Variants in BTBD9 observed in about 807,000 individuals in gnomAD.
BTBD9 encodes BTB/POZ domain-containing protein 9.
In BTBD9, 49 loss-of-function variants were observed where a neutral mutation model predicts 64.3. That is an observed-to-expected ratio of 0.76 (90% CI 0.61 to 0.97). BTBD9 has a LOEUF of 0.97. BTBD9 is among the 50% of genes least tolerant of loss of function. BTBD9 has a pLI of 0.00. For synonymous variants in BTBD9, 260 were observed against 274.7 expected (o/e 0.95, Z 0.53); for missense variants, 598 against 762.1 (o/e 0.78, Z 2.53).
In BTBD9 at chr6:38,375,891, AAAAGAAAG is replaced by A. The variant is rs70981544; in HGVS notation, c.1155-30806_1155-30799del. ...GAGTCTACAAACAAAAGAAAGAAAG[AAAAGAAAG>A]AAAGAAAGAAAGAAAGAAAGAAAGA... is the stretch of plus-strand genomic sequence containing the variant. On this transcript the variant is annotated intron_variant, in intron 6 of 10. Transcript: ENST00000481247. Among the ~76,000 whole-genome samples, 1,156 of 122,372 alleles carry A rather than the reference AAAAGAAAG, an allele frequency of 9.4e-3. 5 individuals are homozygous for A. Among genetic ancestry groups the A allele is most frequent in the Admixed American group, 0.011 (122 of 10,830 alleles). The allele number at this position is 122,372 out of a possible 152,430, so 80.3% of individuals were successfully genotyped here. A position where few individuals can be genotyped will look rare whatever the true frequency, so the allele number is the denominator to read the frequency against.
intron 6 of BTBD9, among the ~76,000 whole-genome samples, chr6:38,509,440 T>A (rs1480098470): frequency 1.3e-5 from 2 of 152,228 alleles, no homozygotes; most frequent in African/African-American, 4.8e-5. Flanking sequence ...TCTATAATTC[T>A]GCATATTTTG....
intron 6 of BTBD9, among the ~76,000 whole-genome samples, chr6:38,439,428 T>C (rs1768920721): frequency 6.6e-6 from 1 of 150,926 alleles, no homozygotes; most frequent in Non-Finnish European, 1.5e-5. Flanking sequence ...ATGCCCAGCC[T>C]GTTTTTTTGT....
intron 6 of BTBD9, among the ~76,000 whole-genome samples, chr6:38,446,070 A>G (rs1769262641): frequency 6.6e-6 from 1 of 152,212 alleles, no homozygotes; most frequent in Non-Finnish European, 1.5e-5. Context: ...ACTGAACCCA[A>G]GGGTAAAAGA....
chr6:38,581,084 C>T lies in BTBD9; in HGVS notation c.815-647G>A, dbSNP rs201836760. On this transcript the variant is annotated intron_variant, in intron 4 of 10. Coordinates refer to ENST00000481247, the MANE Select transcript of BTBD9 (RefSeq NM_001099272.2). ...GCACATGCCTATAATCCCAGCTACT[C>T]GGGAGGCTGAGGCAGGAGAATCACT... Among the ~76,000 whole-genome samples the T allele has an allele frequency of 1.7e-4, 26 of 152,194 alleles. No homozygotes were observed. In the East Asian group the frequency reaches 4.6e-3, roughly 27 times the overall value.
At chr6:38,638,398 T>C (rs761007920) in intron 1 of BTBD9, among the ~76,000 whole-genome samples, 1 of 152,232 alleles carries the variant, frequency 6.6e-6, no homozygotes, top group Non-Finnish European at 1.5e-5. Flanking sequence ...AAGTACTTGA[T>C]GGACTGAACT....
intron 6 of BTBD9, among the ~76,000 whole-genome samples, chr6:38,461,231 G>A (rs989819138): frequency 2.6e-5 from 4 of 152,102 alleles, no homozygotes; most frequent in Admixed American, 1.3e-4. Context: ...GTTAATTTTT[G>A]ACCTGTAAAA....
chr6:38,465,257 T>A (rs1164837004), intron 6 of BTBD9, among the ~76,000 whole-genome samples: 2 of 151,536 alleles, frequency 1.3e-5, no homozygotes, highest in Non-Finnish European at 1.5e-5. Context: ...ATTGCGCTAC[T>A]GTGCTCCAGC....
At chr6:38,549,931 C>G (rs1774723727) in intron 6 of BTBD9, among the ~76,000 whole-genome samples, 1 of 152,104 alleles carries the variant, frequency 6.6e-6, no homozygotes, top group African/African-American at 2.4e-5. Context: ...ACTCCATCCT[C>G]TGTGAAAACA....
intron 6 of BTBD9, among the ~76,000 whole-genome samples, chr6:38,569,760 T>C (rs1775676698): frequency 6.6e-6 from 1 of 152,118 alleles, no homozygotes; most frequent in Admixed American, 6.6e-5. Flanking sequence ...AAGGTCTTAC[T>C]GAATATAAAA....
At chr6:38,497,081 CATCTAGCAAGCAAATGACAG>C (rs1324543378) in intron 6 of BTBD9, among the ~76,000 whole-genome samples, 1 of 152,138 alleles carries the variant, frequency 6.6e-6, no homozygotes, top group African/African-American at 2.4e-5. Flanking sequence ...GAACTATGAC[CATCTAGCAAGCAAATGACAG>C]ATGGGTCTAG....
chr6:38,386,685 CA>C (rs542318831), intron 6 of BTBD9, among the ~76,000 whole-genome samples: 124 of 146,758 alleles, frequency 8.4e-4, no homozygotes, highest in African/African-American at 2.8e-3. Flanking sequence ...TTCTGTCACC[CA>C]GGCTGAAGTG....
At chr6:38,400,102 C>G (rs1446034601) in intron 6 of BTBD9, among the ~76,000 whole-genome samples, 1 of 151,986 alleles carries the variant, frequency 6.6e-6, no homozygotes, top group Non-Finnish European at 1.5e-5. Flanking sequence ...TCCTGTCACT[C>G]TTCCTTTCCA....
chr6:38,600,062 A>G (rs559803957), intron 1 of BTBD9, among the ~76,000 whole-genome samples: 1 of 152,344 alleles, frequency 6.6e-6, no homozygotes, highest in Admixed American at 6.5e-5. Flanking sequence ...AATTCAGCTT[A>G]AGAGGATCTA....
intron 1 of BTBD9, among the ~76,000 whole-genome samples, chr6:38,615,755 T>C (rs528090507): frequency 5.3e-5 from 8 of 152,364 alleles, no homozygotes; most frequent in African/African-American, 1.9e-4. Flanking sequence ...TCTGCCCTAT[T>C]CACCTCAGTG....
chr6:38,516,457 AG>A (rs1466036006), intron 6 of BTBD9, among the ~76,000 whole-genome samples: 3 of 152,246 alleles, frequency 2.0e-5, no homozygotes, highest in Non-Finnish European at 4.4e-5. Flanking sequence ...CACAAACTAC[AG>A]ACCGGCAAAG....
At chr6:38,247,494 C>T (rs977415286) in intron 9 of BTBD9, among the ~76,000 whole-genome samples, 2 of 152,190 alleles carry the variant, frequency 1.3e-5, no homozygotes, top group African/African-American at 2.4e-5. Flanking sequence ...GACAGGGAGA[C>T]AGTCAAGGTG....
chr6:38,494,560 G>T (rs6912811), intron 6 of BTBD9, among the ~76,000 whole-genome samples: 12,702 of 152,214 alleles, frequency 0.083, 722 homozygotes, highest in African/African-American at 0.15. Flanking sequence ...ACTCTATTTT[G>T]CCTGATATAC....
intron 6 of BTBD9, among the ~76,000 whole-genome samples, chr6:38,371,915 A>G (rs975811232): frequency 5.3e-5 from 8 of 152,208 alleles, no homozygotes; most frequent in African/African-American, 1.7e-4. Flanking sequence ...TCTAATTTTT[A>G]TAAAACTGAA....
At chr6:38,266,636 A>AG (rs1582137344) in intron 8 of BTBD9, among the ~76,000 whole-genome samples, 1 of 116,736 alleles carries the variant, frequency 8.6e-6, no homozygotes, top group African/African-American at 4.1e-5. Flanking sequence ...GAAAGAAAGA[A>AG]AGAAAGAAAG....
Sources: allele counts gnomAD v4.1 joint callset (sites outside exome capture counted in the v4.1 genomes callset), GRCh38; gene constraint gnomAD v4.1.1; transcripts MANE v1.5; gene names NCBI Gene and HGNC (gene_info 2026-07-23, HGNC 2026-07-21).